The following NEXMIF variants were observed in gnomAD, a reference collection of about 807,000 sequenced individuals.
NEXMIF encodes neurite extension and migration factor, also known as XLMR protein related to neurite extension.
NEXMIF carries 8 observed loss-of-function variants against 62.1 expected under a neutral mutation model. The observed-to-expected ratio is 0.13, with a 90% CI of 0.08 to 0.23. The LOEUF (loss-of-function observed/expected upper bound fraction) is 0.23, where lower values mean the gene tolerates loss of function less well. Among genes scored for constraint, NEXMIF ranks in the 10% least tolerant of loss-of-function variants. NEXMIF has a pLI of 1.00. For missense variants in NEXMIF, 976 were observed against 1,113.3 expected (o/e 0.88, Z 1.75); for synonymous variants, 404 against 416.6 (o/e 0.97, Z 0.37).
intron 1 of NEXMIF, among the ~76,000 whole-genome samples, chrX:74,847,581 T>C (rs2080496388): frequency 9.0e-6 from 1 of 111,621 alleles, no homozygotes; most frequent in African/African-American, 3.3e-5. Flanking sequence ...TTTCCTAAAG[T>C]AGCCAATTTG....
intron 1 of NEXMIF, among the ~76,000 whole-genome samples, chrX:74,912,272 AC>A (rs1209459814): frequency 9.0e-6 from 1 of 111,266 alleles, no homozygotes; most frequent in East Asian, 2.8e-4. Context: ...TGCCAAAGAA[AC>A]CCTAGATCCT....
At chrX:74,870,957 C>G (rs990467525) in intron 1 of NEXMIF, among the ~76,000 whole-genome samples, 1 of 111,665 alleles carries the variant, frequency 9.0e-6, no homozygotes, top group Non-Finnish European at 1.9e-5. Flanking sequence ...TCTAGCAATC[C>G]CACTGCTGGG....
intron 1 of NEXMIF, among the ~76,000 whole-genome samples, chrX:74,887,253 G>C (rs1036879435): frequency 2.0e-4 from 22 of 111,466 alleles, no homozygotes; most frequent in African/African-American, 7.2e-4. Flanking sequence ...AGGACTTCAT[G>C]TCGAAAACAC....
At chrX:74,819,722 C>T (rs2080388340) in intron 1 of NEXMIF, among the ~76,000 whole-genome samples, 1 of 111,924 alleles carries the variant, frequency 8.9e-6, no homozygotes, top group South Asian at 3.7e-4. Flanking sequence ...AATAGAAATG[C>T]TTTTACACTG....
Position 74,743,013 on chromosome X carries a change from G to A in NEXMIF, c.1544C>T (p.Ser515Phe). The part of the protein sequence containing the change: ...NERKEWLPVG[S>F]KEEDDDEWCP... ...CCATTCATCATCATCTTCCTCTTTG[G>A]AACCAACTGGCAGCCATTCCTTCCT... The change falls in exon 3 of 4, where the codon TCC becomes TTC. Residue 515 changes from serine (S) to phenylalanine (F), a missense_variant. Around this residue, in one of 5 missense-constraint regions of NEXMIF, gnomAD observed 639 missense variants for 694.5 expected, o/e 0.92. Coordinates refer to ENST00000055682, the MANE Select transcript of NEXMIF (RefSeq NM_001008537.3). The A allele has an allele frequency of 1.7e-6, 2 of 1,210,813 alleles. No individual in the cohort carries two copies. The highest frequency in any genetic ancestry group is 2.2e-6 in the Non-Finnish European group (2 of 895,205).
At chrX:74,904,925 G>C (rs1284779961) in intron 1 of NEXMIF, among the ~76,000 whole-genome samples, 1 of 111,202 alleles carries the variant, frequency 9.0e-6, no homozygotes. Flanking sequence ...TATTTTACAG[G>C]CAGAACCACT....
At chrX:74,905,531 C>T (rs780726834) in intron 1 of NEXMIF, among the ~76,000 whole-genome samples, 1 of 112,301 alleles carries the variant, frequency 8.9e-6, no homozygotes, top group African/African-American at 3.2e-5. Flanking sequence ...AGACAAACGT[C>T]GGGCACAGTG....
At chrX:74,907,222 T>C (rs1266504535) in intron 1 of NEXMIF, among the ~76,000 whole-genome samples, 2 of 110,927 alleles carry the variant, frequency 1.8e-5, no homozygotes, top group African/African-American at 3.3e-5. Flanking sequence ...AAGGGAAAAG[T>C]TGAAGGCCCT....
In NEXMIF at chrX:74,925,036, G is replaced by A. The variant is rs2080839680; in HGVS notation, c.-201C>T. 1 of 120,773 alleles carries A rather than the reference G, an allele frequency of 8.3e-6. No homozygotes were observed. The highest frequency in any genetic ancestry group is 1.7e-5 in the Non-Finnish European group (1 of 58,146). 10.0% of individuals were successfully genotyped at this position (120,773 alleles called of 1,213,427 possible). A position where few individuals can be genotyped will look rare whatever the true frequency, so the allele number is the denominator to read the frequency against. ...CGCCGCTGCTACTGCTGCCGCCGCC[G>A]CCGCCGCCTCTGCCTCAGCTCCATA... On this transcript the variant is annotated 5_prime_UTR_variant, in exon 1 of 4. Coordinates refer to ENST00000055682, the MANE Select transcript of NEXMIF (RefSeq NM_001008537.3).
chrX:74,808,290 G>T (rs920033122), intron 1 of NEXMIF, among the ~76,000 whole-genome samples: 2 of 110,837 alleles, frequency 1.8e-5, no homozygotes, highest in Non-Finnish European at 3.8e-5. Context: ...TGTAATCTCA[G>T]CTACTTGGGA....
intron 1 of NEXMIF, among the ~76,000 whole-genome samples, chrX:74,808,687 A>T (rs1160690176): frequency 8.9e-6 from 1 of 112,027 alleles, no homozygotes. Flanking sequence ...CTGGTGATCC[A>T]GTCTGGGCCT....
At chrX:74,886,003 T>C (rs193243911) in intron 1 of NEXMIF, among the ~76,000 whole-genome samples, 74 of 111,592 alleles carry the variant, frequency 6.6e-4, no homozygotes, top group East Asian at 1.7e-3. Flanking sequence ...CATATGCAAA[T>C]CAATAAACAT....
At chrX:74,877,548 A>C (rs1382695113) in intron 1 of NEXMIF, among the ~76,000 whole-genome samples, 1 of 111,007 alleles carries the variant, frequency 9.0e-6, no homozygotes, top group Non-Finnish European at 1.9e-5. Flanking sequence ...GCCTTGCTAG[A>C]TTGGGGAAGT....
chrX:74,873,604 C>G (rs1303979945), intron 1 of NEXMIF, among the ~76,000 whole-genome samples: 6 of 111,673 alleles, frequency 5.4e-5, no homozygotes, highest in Non-Finnish European at 1.1e-4. Context: ...TACAGTCCCA[C>G]CAACAGTGTA....
At chrX:74,903,880 CGTG>C (rs1168485183) in intron 1 of NEXMIF, among the ~76,000 whole-genome samples, 21 of 94,213 alleles carry the variant, frequency 2.2e-4, no homozygotes, top group Admixed American at 8.2e-4. Context: ...CAATTCTAAT[CGTG>C]TGTGTGTGTG....
At chrX:74,922,339 T>TATGG (rs1556050116) in intron 1 of NEXMIF, among the ~76,000 whole-genome samples, 1 of 2,849 alleles carries the variant, frequency 3.5e-4, no homozygotes, top group Admixed American at 2.8e-3. Flanking sequence ...GTGTTATGGG[T>TATGG]GTGTGTGTGT....
At position 74,743,253 on chromosome X, in the gene NEXMIF, G is replaced by A; in HGVS notation, c.1304C>T (p.Thr435Ile). ...ACTATCATCACTGAAACTCCCTGAT[G>A]TCTCCAGGGAATTAGCAAGATGGCC... ...KQGHLANSLETSGSFSDDSSF... is the reference protein window; with the variant it reads ...KQGHLANSLEISGSFSDDSSF... Residue 435 changes from threonine (T) to isoleucine (I), a missense_variant, in exon 3 of 4, where the codon ACA (threonine) becomes ATA (isoleucine). Thr to Ile is a moderately conservative substitution (Grantham distance 89). Coordinates refer to ENST00000055682, the MANE Select transcript of NEXMIF (RefSeq NM_001008537.3). 8.3e-7 allele frequency: 1 copy of A among 1,211,584 alleles called. No homozygotes were observed. Among genetic ancestry groups the A allele is most frequent in the Non-Finnish European group, 1.1e-6 (1 of 895,491 alleles).
rs147096194 is a variant in NEXMIF at position 74,744,404 on chromosome X, C to T, written c.153G>A (p.Pro51=). The T allele has an allele frequency of 2.4e-5, 29 of 1,207,422 alleles. No homozygotes were observed. Among genetic ancestry groups the T allele is most frequent in the Non-Finnish European group, 2.8e-5 (25 of 893,860 alleles). ...LEAAAPIQPT[P]VAQKETLMYP... is the part of the protein sequence containing the mutation. ...ACATCAGGGTCTCTTTTTGTGCCAC[C>T]GGTGTAGGCTGGATAGGTGCAGCAG... The change falls in exon 3 of 4, where the codon CCG becomes CCA. Residue 51 remains proline, a synonymous_variant. Coordinates refer to ENST00000055682, the MANE Select transcript of NEXMIF (RefSeq NM_001008537.3).
intron 1 of NEXMIF, among the ~76,000 whole-genome samples, chrX:74,895,834 TAA>T (rs749007896): frequency 8.1e-5 from 7 of 85,983 alleles, no homozygotes; most frequent in East Asian, 3.6e-4. Flanking sequence ...GGCTACTGTG[TAA>T]AAAAAAAAAA....
Sources: gnomAD v4.1 joint callset for allele counts (sites outside exome capture counted in the v4.1 genomes callset) on GRCh38, gnomAD v4.1.1 for gene constraint, gnomAD v4.1.1 regional missense constraint, MANE v1.5 for transcripts, NCBI Gene and HGNC (gene_info 2026-07-23, HGNC 2026-07-21) for gene names.